Variants in PUM3 observed in about 807,000 individuals in gnomAD.
PUM3 encodes the protein pumilio homolog 3.
Under a neutral mutation model 84.0 loss-of-function variants are expected in PUM3, and 91 were observed. The ratio of observed to expected loss-of-function variants is 1.08; its 90% CI spans 0.91 to 1.29. The LOEUF (loss-of-function observed/expected upper bound fraction) is 1.29, where lower values mean the gene tolerates loss of function less well. Among genes scored for constraint, PUM3 ranks in the 50% most tolerant of loss-of-function variants. The pLI, the probability that PUM3 is intolerant of heterozygous loss-of-function variation, is 0.00. For synonymous variants in PUM3, 321 were observed against 266.7 expected (o/e 1.20, Z -1.98); for missense variants, 1,067 against 767.5 (o/e 1.39, Z -4.61).
chr9:2,816,326 G>T (rs1402780458), intron 13 of PUM3, among the ~76,000 whole-genome samples: 1 of 152,086 alleles, frequency 6.6e-6, no homozygotes. Flanking sequence ...CTGAAAACAG[G>T]GTGACTGTTT....
At chr9:2,809,505 A>G (rs570133600) in intron 16 of PUM3, among the ~76,000 whole-genome samples, 1 of 152,288 alleles carries the variant, frequency 6.6e-6, no homozygotes, top group East Asian at 1.9e-4. Flanking sequence ...CCATTCTTAA[A>G]GGTAAGGTGA....
chr9:2,829,962 A>T lies in PUM3; in HGVS notation c.678-14T>A. The T allele has an allele frequency of 6.3e-7, 1 of 1,593,264 alleles. No homozygotes were observed. Among genetic ancestry groups the T allele is most frequent in the Non-Finnish European group, 8.6e-7 (1 of 1,165,726 alleles). ...TGTGGTTTACTTCTAAACGCAACAC[A>T]ATCATGGAAAAATAAATGATAGAAG... On this transcript the variant is annotated splice_polypyrimidine_tract_variant and intron_variant, in intron 7 of 17. Transcript: ENST00000397885.
At position 2,833,361 on chromosome 9, in the gene PUM3, T is replaced by A; in HGVS notation, c.512A>T (p.Lys171Ile). 1 of 1,570,814 alleles carries A rather than the reference T, an allele frequency of 6.4e-7. No individual in the cohort carries two copies. Among genetic ancestry groups the A allele is most frequent in the Non-Finnish European group, 8.7e-7 (1 of 1,144,152 alleles). ...DLQKLIQGKIKTIAFAHDSTR... is the reference protein window; with the variant it reads ...DLQKLIQGKIITIAFAHDSTR... The stretch of plus-strand genomic sequence containing the variant: ...CAATGAGTATATGCTACTTACAGTT[T>A]TAATTTTCCCTTGAATCAACTTCTG... Residue 171 changes from lysine to isoleucine, a missense_variant, in exon 5 of 18, where the codon AAA becomes ATA. Physicochemically the swap from Lys to Ile is moderately radical, Grantham distance 102. Transcript: ENST00000397885.
intron 15 of PUM3, among the ~76,000 whole-genome samples, 174 bp from the exon 16 acceptor site, chr9:2,810,605 C>T (rs1221343581): frequency 1.3e-5 from 2 of 152,208 alleles, no homozygotes; most frequent in African/African-American, 2.4e-5. Context: ...GGGGGGACCA[C>T]AGATCTATTC....
intron 9 of PUM3, among the ~76,000 whole-genome samples, chr9:2,828,201 C>G (rs1815875794): frequency 6.6e-6 from 1 of 152,142 alleles, no homozygotes; most frequent in South Asian, 2.1e-4. Context: ...GCCATAAAGC[C>G]TGGCTAATTT....
chr9:2,808,572 G>A (rs1821306488), intron 16 of PUM3, among the ~76,000 whole-genome samples: 1 of 152,162 alleles, frequency 6.6e-6, no homozygotes, highest in Non-Finnish European at 1.5e-5. Context: ...AACCTATCTT[G>A]AAGGCAAACA....
intron 17 of PUM3, among the ~76,000 whole-genome samples, chr9:2,805,495 A>AT (rs1261980165): frequency 6.6e-6 from 1 of 152,170 alleles, no homozygotes; most frequent in Non-Finnish European, 1.5e-5. Flanking sequence ...AACTTCCAAT[A>AT]TGTCAACAAA....
chr9:2,812,782 T>A (rs370381465), intron 13 of PUM3, among the ~76,000 whole-genome samples: 8 of 152,322 alleles, frequency 5.3e-5, no homozygotes, highest in African/African-American at 1.7e-4. Flanking sequence ...CCCAAGGACT[T>A]AAAAAATATT....
At chr9:2,816,488 G>A (rs566294638) in intron 13 of PUM3, among the ~76,000 whole-genome samples, 1 of 152,266 alleles carries the variant, frequency 6.6e-6, no homozygotes, top group South Asian at 2.1e-4. Context: ...CCTTCAAAAT[G>A]GTTAACATGC....
chr9:2,814,356 C>T (rs994291827), intron 13 of PUM3, among the ~76,000 whole-genome samples: 6 of 152,056 alleles, frequency 3.9e-5, no homozygotes, highest in African/African-American at 1.4e-4. Flanking sequence ...GGACTATAGG[C>T]TGCACTATGA....
chr9:2,819,664 G>T (rs911135600), intron 13 of PUM3, among the ~76,000 whole-genome samples: 5 of 152,086 alleles, frequency 3.3e-5, no homozygotes, highest in Admixed American at 1.3e-4. Context: ...AATAACTAAG[G>T]AATTACTATG....
chr9:2,805,617 T>A (rs531093420), intron 17 of PUM3, among the ~76,000 whole-genome samples: 1 of 152,312 alleles, frequency 6.6e-6, no homozygotes, highest in South Asian at 2.1e-4. Context: ...GTAATGAATT[T>A]GTGACTCACT....
chr9:2,838,519 TG>T lies in PUM3; in HGVS notation c.-10-3del, dbSNP rs1203315944. ...CCTTTAACTTCCATCGTAGCAACTC[TG>T]GAAAACCAAAACCAAAACCAAAAAC... On this transcript the variant is annotated splice_region_variant and splice_polypyrimidine_tract_variant and intron_variant, in intron 1 of 17. Coordinates refer to ENST00000397885, the MANE Select transcript of PUM3 (RefSeq NM_014878.5). 2.5e-6 allele frequency: 4 copies of T among 1,608,720 alleles called. No individual in the cohort carries two copies. Among genetic ancestry groups the T allele is most frequent in the Non-Finnish European group, 2.6e-6 (3 of 1,175,218 alleles).
At chr9:2,838,303 C>A in intron 2 of PUM3, 123 bp downstream of exon 2, 1 of 724,916 alleles carries the variant, frequency 1.4e-6, no homozygotes, top group Non-Finnish European at 2.5e-6. Flanking sequence ...TACACAATAA[C>A]ACATACTTCT....
chr9:2,820,347 A>T (rs1233730266), intron 12 of PUM3, among the ~76,000 whole-genome samples: 8 of 152,154 alleles, frequency 5.3e-5, no homozygotes, highest in African/African-American at 1.9e-4. Flanking sequence ...TTTAAAGCAC[A>T]TTATTCATTA....
chr9:2,839,246 G>A (rs1021823682), intron 1 of PUM3, among the ~76,000 whole-genome samples: 1 of 152,150 alleles, frequency 6.6e-6, no homozygotes, highest in Non-Finnish European at 1.5e-5. Context: ...CAGATCAAGA[G>A]AAAAAGCCAT....
Position 2,831,257 on chromosome 9 carries a change from A to T in PUM3, c.604T>A (p.Leu202Met), listed in dbSNP as rs1815971430. ...EEQRKQAFEE[L>M]RDDLVELSKA... ...TTTAGTATGTAATAAATACCTCGCA[A>T]TTCTTCAAAAGCCTGTTTTCTCTGT... The change falls in exon 6 of 18, where the codon TTG becomes ATG. Residue 202 changes from leucine (L) to methionine (M), a missense_variant. Leu to Met is a conservative substitution (Grantham distance 15, BLOSUM62 2). Coordinates refer to ENST00000397885, the MANE Select transcript of PUM3 (RefSeq NM_014878.5). 6.3e-7 allele frequency: 1 copy of T among 1,585,500 alleles called. No individual in the cohort carries two copies. The highest frequency in any genetic ancestry group is 2.2e-5 in the East Asian group (1 of 44,676).
At chr9:2,826,457 G>C (rs902559725) in intron 10 of PUM3, among the ~76,000 whole-genome samples, 1 of 150,246 alleles carries the variant, frequency 6.7e-6, no homozygotes, top group Non-Finnish European at 1.5e-5. Flanking sequence ...TGTATAGTCT[G>C]GCGTTATTTG....
At chr9:2,819,097 A>G (rs936540193) in intron 13 of PUM3, among the ~76,000 whole-genome samples, 1 of 152,244 alleles carries the variant, frequency 6.6e-6, no homozygotes, top group East Asian at 1.9e-4. Context: ...ATGTCTATAC[A>G]GATTATGTGG....
Sources: gnomAD v4.1 joint callset for allele counts (sites outside exome capture counted in the v4.1 genomes callset) on GRCh38, gnomAD v4.1.1 for gene constraint, MANE v1.5 for transcripts, NCBI Gene and HGNC (gene_info 2026-07-23, HGNC 2026-07-21) for gene names.